Variants in NUBPL observed in about 807,000 individuals in gnomAD.
NUBPL encodes NUBP iron-sulfur cluster assembly factor, mitochondrial.
Under a neutral mutation model 45.7 loss-of-function variants are expected in NUBPL, and 31 were observed. The observed-to-expected ratio is 0.68, with a 90% CI of 0.51 to 0.92. The LOEUF (loss-of-function observed/expected upper bound fraction) is 0.92, where lower values mean the gene tolerates loss of function less well. Ranked by LOEUF, NUBPL falls within the 40% of genes least tolerant of loss-of-function variation. The pLI is 0.00. For missense variants in NUBPL, 401 were observed against 398.7 expected (o/e 1.01, Z -0.05); for synonymous variants, 144 against 140.9 (o/e 1.02, Z -0.15).
At chr14:31,703,872 CA>C (rs1555329946) in intron 6 of NUBPL, among the ~76,000 whole-genome samples, 1 of 152,194 alleles carries the variant, frequency 6.6e-6, no homozygotes, top group Non-Finnish European at 1.5e-5. Flanking sequence ...AACACTTTAA[CA>C]GCTGTGGATC....
chr14:31,574,725 G>A (rs2033677974), intron 3 of NUBPL, among the ~76,000 whole-genome samples: 1 of 150,672 alleles, frequency 6.6e-6, no homozygotes, highest in African/African-American at 2.4e-5. Context: ...GAGTAGCTGG[G>A]ATTACAGGCA....
chr14:31,737,801 A>T (rs933497649), intron 6 of NUBPL, among the ~76,000 whole-genome samples: 1 of 152,278 alleles, frequency 6.6e-6, no homozygotes, highest in Middle Eastern at 3.4e-3. Flanking sequence ...TAATAAATTA[A>T]TTATTTCTGT....
At chr14:31,598,854 T>C (rs1160617421) in intron 3 of NUBPL, among the ~76,000 whole-genome samples, 1 of 152,208 alleles carries the variant, frequency 6.6e-6, no homozygotes, top group Non-Finnish European at 1.5e-5. Flanking sequence ...TTTTGTCTTC[T>C]TTGGTGTGTT....
At chr14:31,687,873 T>C (rs1282623595) in intron 6 of NUBPL, among the ~76,000 whole-genome samples, 3 of 152,204 alleles carry the variant, frequency 2.0e-5, no homozygotes, top group Admixed American at 2.0e-4. Context: ...AGTCTGCAGC[T>C]GCAGTTGCTT....
At chr14:31,570,960 A>G (rs943713931) in intron 3 of NUBPL, among the ~76,000 whole-genome samples, 3 of 152,234 alleles carry the variant, frequency 2.0e-5, no homozygotes, top group East Asian at 1.9e-4. Context: ...GCTCAGAGTC[A>G]TAGCTGGATG....
chr14:31,621,789 A>G (rs2035070263), intron 4 of NUBPL, among the ~76,000 whole-genome samples: 1 of 152,212 alleles, frequency 6.6e-6, no homozygotes, highest in Non-Finnish European at 1.5e-5. Context: ...ACCCAGTCTT[A>G]GGTAGTTCTT....
chr14:31,595,761 A>G (rs924223075), intron 3 of NUBPL, among the ~76,000 whole-genome samples: 6 of 152,192 alleles, frequency 3.9e-5, no homozygotes, highest in African/African-American at 1.4e-4. Context: ...GCACCTTTTG[A>G]ACATTACTGA....
chr14:31,700,903 C>T (rs1176660066), intron 6 of NUBPL, among the ~76,000 whole-genome samples: 1 of 152,126 alleles, frequency 6.6e-6, no homozygotes, highest in Non-Finnish European at 1.5e-5. Flanking sequence ...GGCTCCCGGT[C>T]CCATCGACCG....
chr14:31,710,179 A>G (rs1274385396), intron 6 of NUBPL, among the ~76,000 whole-genome samples: 2 of 152,142 alleles, frequency 1.3e-5, no homozygotes, highest in African/African-American at 4.8e-5. Flanking sequence ...AATTGGTCCC[A>G]ATGGCTTAGG....
chr14:31,607,422 G>A (rs141786932), intron 4 of NUBPL, among the ~76,000 whole-genome samples: 857 of 151,214 alleles, frequency 5.7e-3, no homozygotes, highest in Non-Finnish European at 0.011. Flanking sequence ...GACCAGTCCC[G>A]GTATGTGACC....
In NUBPL at chr14:31,670,869, C is replaced by T. The variant is rs188092275; in HGVS notation, c.383-2486C>T. 1.4e-4 allele frequency among the ~76,000 whole-genome samples: 21 copies of T among 152,286 alleles called. No homozygotes were observed. In the East Asian group the frequency reaches 2.5e-3, roughly 18 times the overall value. On this transcript the variant is annotated intron_variant, in intron 4 of 10. Transcript: ENST00000281081. ...TACCAGTACCATGCTGTTTTGGTTACGGTAGCCCTGTAGTGTAGTTTGAAG... is the reference window on the plus strand; with the variant it reads ...TACCAGTACCATGCTGTTTTGGTTATGGTAGCCCTGTAGTGTAGTTTGAAG...
At chr14:31,648,038 T>C (rs2035903114) in intron 4 of NUBPL, among the ~76,000 whole-genome samples, 1 of 152,248 alleles carries the variant, frequency 6.6e-6, no homozygotes, top group Non-Finnish European at 1.5e-5. Context: ...ACCTAATTGT[T>C]GGTTGTCATT....
At chr14:31,764,951 A>G (rs1173850536) in intron 6 of NUBPL, among the ~76,000 whole-genome samples, 2 of 152,258 alleles carry the variant, frequency 1.3e-5, no homozygotes, top group East Asian at 3.9e-4. Context: ...ATTCTCATAC[A>G]TGTATTCCTT....
At chr14:31,615,436 C>A (rs1260127002) in intron 4 of NUBPL, among the ~76,000 whole-genome samples, 3 of 152,096 alleles carry the variant, frequency 2.0e-5, no homozygotes, top group Non-Finnish European at 4.4e-5. Context: ...CTAATGCTAT[C>A]CCTACCCTAG....
chr14:31,586,379 G>A (rs1566429442), intron 3 of NUBPL, among the ~76,000 whole-genome samples: 1 of 152,170 alleles, frequency 6.6e-6, no homozygotes, highest in Non-Finnish European at 1.5e-5. Context: ...GGTGAGGTGT[G>A]GTTTTGGCAG....
chr14:31,694,780 T>A (rs914691120), intron 6 of NUBPL, among the ~76,000 whole-genome samples: 2 of 152,132 alleles, frequency 1.3e-5, no homozygotes, highest in Admixed American at 1.3e-4. Flanking sequence ...TTTCAAAGTG[T>A]TGGGATTACA....
chr14:31,671,006 A>G lies in NUBPL; in HGVS notation c.383-2349A>G, dbSNP rs914199360. On this transcript the variant is annotated intron_variant, in intron 4 of 10. Coordinates refer to ENST00000281081, the MANE Select transcript of NUBPL (RefSeq NM_025152.3). ...TAAAATAGTTTTTTCTAGTTCTGTG[A>G]AGAATGTCATTGGTAGATTGATAGG... 4.6e-5 allele frequency among the ~76,000 whole-genome samples: 7 copies of G among 152,140 alleles called. 1 individual carries two copies. In the East Asian group the frequency reaches 1.3e-3, roughly 29 times the overall value.
chr14:31,759,094 A>G (rs1449628496), intron 6 of NUBPL, among the ~76,000 whole-genome samples: 2 of 152,188 alleles, frequency 1.3e-5, no homozygotes. Context: ...ACAAAAAAAA[A>G]GGTCTCCTAA....
chr14:31,774,936 CCAGT>C (rs1460532298), intron 6 of NUBPL, among the ~76,000 whole-genome samples: 2 of 152,110 alleles, frequency 1.3e-5, no homozygotes, highest in Admixed American at 1.3e-4. Flanking sequence ...CCCCCAGCCA[CCAGT>C]CAACTTATTA....
Sources: gnomAD v4.1 joint callset for allele counts (sites outside exome capture counted in the v4.1 genomes callset) on GRCh38, gnomAD v4.1.1 for gene constraint, MANE v1.5 for transcripts, NCBI Gene and HGNC (gene_info 2026-07-23, HGNC 2026-07-21) for gene names.